The following ADCK1 variants were observed in gnomAD, a reference collection of about 807,000 sequenced individuals.
ADCK1 encodes the protein aarF domain containing kinase 1, also known as aarF domain-containing protein kinase 1.
Under a neutral mutation model 52.3 loss-of-function variants are expected in ADCK1, and 41 were observed. The ratio of observed to expected loss-of-function variants is 0.78; its 90% confidence interval spans 0.61 to 1.02. The LOEUF is 1.02. Among genes scored for constraint, ADCK1 ranks in the 50% least tolerant of loss-of-function variants. The pLI is 0.00. For synonymous variants in ADCK1, 250 were observed against 274.6 expected (o/e 0.91, Z 0.89); for missense variants, 658 against 679.5 (o/e 0.97, Z 0.35).
intron 7 of ADCK1, among the ~76,000 whole-genome samples, chr14:77,922,578 C>A (rs1466944522): frequency 2.0e-5 from 3 of 152,162 alleles, no homozygotes; most frequent in African/African-American, 7.2e-5. Context: ...TTCCATTTTA[C>A]TGAAGCTGAT....
At chr14:77,853,283 C>G (rs1435422009) in intron 3 of ADCK1, among the ~76,000 whole-genome samples, 1 of 151,682 alleles carries the variant, frequency 6.6e-6, no homozygotes, top group Non-Finnish European at 1.5e-5. Flanking sequence ...CCGTGTCTAG[C>G]TAATTGTTGT....
rs929094393 is a variant in ADCK1 at position 77,926,479 on chromosome 14, TG to T, written c.1206+519del. Among the ~76,000 whole-genome samples the T allele has an allele frequency of 4.6e-5, 7 of 151,896 alleles. No homozygotes were observed. In the East Asian group the frequency reaches 5.8e-4, roughly 13 times the overall value. On this transcript the variant is annotated intron_variant, in intron 9 of 10. Coordinates refer to ENST00000238561, the MANE Select transcript of ADCK1 (RefSeq NM_020421.4). ...TCATCTCATTGTCTGCAGACTTTTT[TG>T]TTTGTTTGTTTGTTTAATGAGACGG...
chr14:77,844,797 A>G (rs1396421680), intron 3 of ADCK1, among the ~76,000 whole-genome samples: 1 of 152,224 alleles, frequency 6.6e-6, no homozygotes, highest in Non-Finnish European at 1.5e-5. Context: ...TTTAAGAGTC[A>G]GAAGACACCT....
chr14:77,832,037 G>T (rs1185599553), intron 3 of ADCK1, among the ~76,000 whole-genome samples: 1 of 151,912 alleles, frequency 6.6e-6, no homozygotes. Flanking sequence ...GAGTGCAGTG[G>T]CATGATCTCG....
chr14:77,874,045 C>A (rs914171010), intron 4 of ADCK1, among the ~76,000 whole-genome samples: 1 of 152,210 alleles, frequency 6.6e-6, no homozygotes, highest in Non-Finnish European at 1.5e-5. Context: ...CGCTGAGGTC[C>A]CACAGCTGGG....
intron 5 of ADCK1, among the ~76,000 whole-genome samples, chr14:77,898,352 GT>G (rs1278175884): frequency 2.6e-5 from 4 of 152,178 alleles, no homozygotes; most frequent in Non-Finnish European, 2.9e-5. Flanking sequence ...AAAGTGCTTA[GT>G]TTACTATTCG....
intron 4 of ADCK1, among the ~76,000 whole-genome samples, chr14:77,872,758 T>G (rs1316499481): frequency 4.0e-5 from 6 of 150,706 alleles, no homozygotes; most frequent in Non-Finnish European, 2.9e-5. Context: ...CACTGCAACC[T>G]CCACCTCCCG....
intron 5 of ADCK1, among the ~76,000 whole-genome samples, chr14:77,888,571 CA>C (rs1230791877): frequency 6.6e-6 from 1 of 152,006 alleles, no homozygotes; most frequent in African/African-American, 2.4e-5. Context: ...TGAGCTGCTG[CA>C]TGGGTCTGAG....
intron 1 of ADCK1, among the ~76,000 whole-genome samples, chr14:77,813,858 C>T (rs80189371): frequency 0.036 from 5,531 of 151,946 alleles, 149 homozygotes; most frequent in Non-Finnish European, 0.054. Flanking sequence ...CAACCTCTAC[C>T]TCCTGTTCAA....
chr14:77,917,857 G>C (rs1298600321), intron 7 of ADCK1, among the ~76,000 whole-genome samples: 1 of 152,062 alleles, frequency 6.6e-6, no homozygotes, highest in Non-Finnish European at 1.5e-5. Flanking sequence ...GGAGTGGGGT[G>C]GTGTTCAGAT....
chr14:77,829,547 T>C (rs913141405), intron 3 of ADCK1, among the ~76,000 whole-genome samples: 3 of 151,296 alleles, frequency 2.0e-5, no homozygotes, highest in African/African-American at 7.3e-5. Flanking sequence ...TCCTGGTGCC[T>C]TGGCCTCCCA....
chr14:77,906,749 A>G (rs13379143), intron 6 of ADCK1, among the ~76,000 whole-genome samples: 65,159 of 151,922 alleles, frequency 0.43, 14,294 homozygotes, highest in Middle Eastern at 0.49. Flanking sequence ...TTTCGAGGCA[A>G]GAAGAGAAGT....
At chr14:77,890,334 A>G (rs2083258270) in intron 5 of ADCK1, among the ~76,000 whole-genome samples, 1 of 152,210 alleles carries the variant, frequency 6.6e-6, no homozygotes, top group Non-Finnish European at 1.5e-5. Context: ...TCTCCATATC[A>G]GCCTCTACAT....
At chr14:77,830,906 C>T (rs958724125) in intron 3 of ADCK1, among the ~76,000 whole-genome samples, 1 of 152,112 alleles carries the variant, frequency 6.6e-6, no homozygotes, top group Non-Finnish European at 1.5e-5. Flanking sequence ...GTTACTATAG[C>T]GCCTAATATT....
chr14:77,908,203 G>C (rs1217575606), intron 7 of ADCK1: 1 of 237,602 alleles, frequency 4.2e-6, no homozygotes. Flanking sequence ...CGGCCACAGA[G>C]AACAATGATG....
At chr14:77,850,918 G>A (rs767550425) in intron 3 of ADCK1, among the ~76,000 whole-genome samples, 1 of 151,870 alleles carries the variant, frequency 6.6e-6, no homozygotes, top group Non-Finnish European at 1.5e-5. Flanking sequence ...GCCTCCCAAG[G>A]TGCTGGGATT....
At chr14:77,893,438 C>T (rs747944472) in intron 5 of ADCK1, among the ~76,000 whole-genome samples, 2 of 152,132 alleles carry the variant, frequency 1.3e-5, no homozygotes, top group Admixed American at 6.5e-5. Context: ...GTATCACTCC[C>T]AGTTATTTCT....
At chr14:77,900,165 A>G (rs1256490996) in intron 6 of ADCK1, among the ~76,000 whole-genome samples, 1 of 152,224 alleles carries the variant, frequency 6.6e-6, no homozygotes, top group Non-Finnish European at 1.5e-5. Flanking sequence ...AGTTTTACAC[A>G]TGTTAAATGG....
intron 6 of ADCK1, among the ~76,000 whole-genome samples, chr14:77,907,086 G>A (rs2083683219): frequency 1.3e-5 from 2 of 151,928 alleles, no homozygotes; most frequent in South Asian, 4.2e-4. Flanking sequence ...GCTAATTTTT[G>A]TATTTACTGT....
Sources: allele counts gnomAD v4.1 joint callset (sites outside exome capture counted in the v4.1 genomes callset), GRCh38; gene constraint gnomAD v4.1.1; transcripts MANE v1.5; gene names NCBI Gene and HGNC (gene_info 2026-07-23, HGNC 2026-07-21).